The following NKAIN2 variants were observed in gnomAD, a reference collection of about 807,000 sequenced individuals.
NKAIN2 encodes sodium/potassium-transporting ATPase subunit beta-1-interacting protein 2.
In NKAIN2, 14 loss-of-function variants were observed where a neutral mutation model predicts 32.6. The observed-to-expected ratio is 0.43, with a 90% CI of 0.28 to 0.67. The LOEUF (loss-of-function observed/expected upper bound fraction) is 0.67, where lower values mean the gene tolerates loss of function less well. NKAIN2 is among the 30% of genes least tolerant of loss of function. The pLI, the probability that NKAIN2 is intolerant of heterozygous loss-of-function variation, is 0.17. For missense variants in NKAIN2, 198 were observed against 258.3 expected, an observed-to-expected ratio of 0.77 and a Z score of 1.60; for synonymous variants, 80 against 87.2, an observed-to-expected ratio of 0.92 and a Z score of 0.46.
chr6:124,438,687 A>G (rs546573020), intron 3 of NKAIN2, among the ~76,000 whole-genome samples: 1 of 152,164 alleles, frequency 6.6e-6, no homozygotes, highest in African/African-American at 2.4e-5. Flanking sequence ...TTTCCAGCAA[A>G]CAGCTCTTGA....
chr6:124,371,685 C>A (rs1393673284), intron 3 of NKAIN2, among the ~76,000 whole-genome samples: 1 of 111,436 alleles, frequency 9.0e-6, no homozygotes, highest in African/African-American at 3.5e-5. Context: ...GAGAGCAAGA[C>A]TCTGTCTCAA....
chr6:124,678,465 T>C (rs1016593254), intron 4 of NKAIN2, among the ~76,000 whole-genome samples: 5 of 152,182 alleles, frequency 3.3e-5, no homozygotes, highest in African/African-American at 4.8e-5. Flanking sequence ...AGTTTGCTGA[T>C]TGATTTTTTT....
chr6:123,958,287 G>T (rs1195069419), intron 1 of NKAIN2, among the ~76,000 whole-genome samples: 1 of 152,156 alleles, frequency 6.6e-6, no homozygotes, highest in Non-Finnish European at 1.5e-5. Context: ...AAAGAAACAG[G>T]TTTACCAAAT....
chr6:124,798,576 T>G (rs535723378), intron 5 of NKAIN2, among the ~76,000 whole-genome samples: 1 of 152,200 alleles, frequency 6.6e-6, no homozygotes, highest in African/African-American at 2.4e-5. Flanking sequence ...GTGAAAAAGG[T>G]GTCATCTTTC....
chr6:123,961,776 C>T (rs944594278), intron 1 of NKAIN2, among the ~76,000 whole-genome samples: 1 of 152,074 alleles, frequency 6.6e-6, no homozygotes, highest in African/African-American at 2.4e-5. Flanking sequence ...TAACTTCTTA[C>T]GTTGTTAATG....
At chr6:124,649,292 T>G (rs1284588051) in intron 3 of NKAIN2, among the ~76,000 whole-genome samples, 1 of 152,120 alleles carries the variant, frequency 6.6e-6, no homozygotes, top group African/African-American at 2.4e-5. Flanking sequence ...AGCAGGAATA[T>G]AACTACAGAT....
intron 2 of NKAIN2, among the ~76,000 whole-genome samples, chr6:124,288,662 A>G (rs1795669798): frequency 6.6e-6 from 1 of 152,164 alleles, no homozygotes; most frequent in Non-Finnish European, 1.5e-5. Flanking sequence ...ATATGTACAC[A>G]TTCATCTATA....
chr6:123,878,332 C>T (rs1773274466), intron 1 of NKAIN2, among the ~76,000 whole-genome samples: 1 of 152,086 alleles, frequency 6.6e-6, no homozygotes, highest in African/African-American at 2.4e-5. Context: ...TACACTTTTC[C>T]ATTTCTTACT....
At chr6:124,181,711 A>G (rs1437370094) in intron 1 of NKAIN2, among the ~76,000 whole-genome samples, 1 of 152,096 alleles carries the variant, frequency 6.6e-6, no homozygotes, top group South Asian at 2.1e-4. Context: ...AAACCATAGA[A>G]AGTGTGACCT....
chr6:124,269,022 C>T (rs1324521053), intron 1 of NKAIN2, among the ~76,000 whole-genome samples: 1 of 152,064 alleles, frequency 6.6e-6, no homozygotes, highest in Admixed American at 6.6e-5. Flanking sequence ...AATATGTGCA[C>T]AGATAGATAG....
At chr6:124,739,662 C>T (rs1777111045) in intron 4 of NKAIN2, among the ~76,000 whole-genome samples, 1 of 151,780 alleles carries the variant, frequency 6.6e-6, no homozygotes, top group Non-Finnish European at 1.5e-5. Context: ...AAGGAAGAGG[C>T]ACCATACACA....
intron 1 of NKAIN2, among the ~76,000 whole-genome samples, chr6:124,015,294 TG>T (rs1562309549): frequency 1.3e-5 from 2 of 152,220 alleles, no homozygotes; most frequent in South Asian, 4.1e-4. Context: ...GTCTTAGAGA[TG>T]GGACCATAAC....
At position 124,527,380 on chromosome 6, in the gene NKAIN2, G is replaced by A. The variant is rs562283032; in HGVS notation, c.274-130806G>A. 7.9e-4 allele frequency among the ~76,000 whole-genome samples: 120 copies of A among 152,218 alleles called. 1 individual carries two copies. The South Asian group carries it at 0.024, about 30-fold the overall frequency. On this transcript the variant is annotated intron_variant, in intron 3 of 6. Transcript: ENST00000368417. ...AAACAACTGCTCTGAAATAACTGAA[G>A]TGTTACTAGTTCTACTTTCCAAAAC...
At chr6:123,841,018 C>T (rs1266711818) in intron 1 of NKAIN2, among the ~76,000 whole-genome samples, 4 of 152,012 alleles carry the variant, frequency 2.6e-5, no homozygotes. Context: ...CTTCTTTCCT[C>T]TGTGTTTTTT....
intron 2 of NKAIN2, among the ~76,000 whole-genome samples, chr6:124,345,180 A>G (rs1480864916): frequency 6.6e-6 from 1 of 152,104 alleles, no homozygotes; most frequent in Non-Finnish European, 1.5e-5. Context: ...CCAGGGATGA[A>G]GTCCACTTGA....
At chr6:123,835,037 T>G (rs879499369) in intron 1 of NKAIN2, among the ~76,000 whole-genome samples, 7 of 152,184 alleles carry the variant, frequency 4.6e-5, no homozygotes, top group Non-Finnish European at 8.8e-5. Flanking sequence ...TCTTGTATTG[T>G]CTGTATCTGG....
chr6:124,138,923 G>C (rs981452229), intron 1 of NKAIN2, among the ~76,000 whole-genome samples: 4 of 151,008 alleles, frequency 2.6e-5, no homozygotes, highest in Admixed American at 1.3e-4. Context: ...AAGACTTGGG[G>C]GGAATGGTGA....
At chr6:124,731,431 A>T (rs567614083) in intron 4 of NKAIN2, among the ~76,000 whole-genome samples, 46 of 150,080 alleles carry the variant, frequency 3.1e-4, no homozygotes, top group African/African-American at 7.6e-4. Flanking sequence ...AAATTGGAAA[A>T]CATCATTCTC....
At chr6:124,539,394 C>T (rs557726123) in intron 3 of NKAIN2, among the ~76,000 whole-genome samples, 9 of 150,998 alleles carry the variant, frequency 6.0e-5, no homozygotes, top group African/African-American at 2.2e-4. Context: ...TTTTTTCATT[C>T]AGTCATTTAC....
Sources: allele counts gnomAD v4.1 joint callset (sites outside exome capture counted in the v4.1 genomes callset), GRCh38; gene constraint gnomAD v4.1.1; transcripts MANE v1.5; gene names NCBI Gene and HGNC (gene_info 2026-07-23, HGNC 2026-07-21).